CDH20: variants seen among roughly 807,000 people sequenced by gnomAD.
CDH20 encodes the protein cadherin 20.
Under a neutral mutation model 74.2 loss-of-function variants are expected in CDH20, and 29 were observed. The observed-to-expected ratio is 0.39, with a 90% CI of 0.29 to 0.53. The LOEUF is 0.53. Ranked by LOEUF, CDH20 falls within the 20% of genes least tolerant of loss-of-function variation. CDH20 has a pLI of 0.69. For synonymous variants in CDH20, 469 were observed against 405.4 expected (o/e 1.16, Z -1.88); for missense variants, 988 against 1,048.3 (o/e 0.94, Z 0.79).
chr18:61,412,341 G>C (rs1277729399), intron 1 of CDH20, among the ~76,000 whole-genome samples: 1 of 152,118 alleles, frequency 6.6e-6, no homozygotes, highest in Admixed American at 6.6e-5. Context: ...TTATGTTACA[G>C]AAAGTGCAGA....
intron 1 of CDH20, among the ~76,000 whole-genome samples, chr18:61,460,943 C>G (rs1909745403): frequency 6.6e-6 from 1 of 152,024 alleles, no homozygotes; most frequent in South Asian, 2.1e-4. Flanking sequence ...AAGTCAGAAT[C>G]TTATTTAGAA....
At chr18:61,422,992 G>A (rs1367094889) in intron 1 of CDH20, among the ~76,000 whole-genome samples, 2 of 152,146 alleles carry the variant, frequency 1.3e-5, no homozygotes, top group African/African-American at 4.8e-5. Flanking sequence ...TTTAGGATAA[G>A]TCTTGTGGGT....
At chr18:61,440,046 C>T (rs1908974995) in intron 1 of CDH20, among the ~76,000 whole-genome samples, 1 of 152,086 alleles carries the variant, frequency 6.6e-6, no homozygotes, top group African/African-American at 2.4e-5. Flanking sequence ...CCCCATTTTG[C>T]CTTCTGAAGA....
intron 1 of CDH20, among the ~76,000 whole-genome samples, chr18:61,407,988 A>G (rs1035905111): frequency 3.3e-5 from 5 of 152,234 alleles, no homozygotes; most frequent in Admixed American, 1.3e-4. Flanking sequence ...AATTGGTTAT[A>G]TATGTAAGAT....
At chr18:61,373,776 T>A (rs1008118674) in intron 1 of CDH20, among the ~76,000 whole-genome samples, 4 of 152,292 alleles carry the variant, frequency 2.6e-5, no homozygotes, top group African/African-American at 9.6e-5. Flanking sequence ...CCCCACCAGA[T>A]GTGGAGGAAG....
intron 1 of CDH20, among the ~76,000 whole-genome samples, chr18:61,482,504 C>T (rs1198834084): frequency 6.6e-6 from 1 of 152,146 alleles, no homozygotes; most frequent in Non-Finnish European, 1.5e-5. Flanking sequence ...CCAATTTTCC[C>T]TGGACTCTTA....
chr18:61,462,565 A>G (rs1464592607), intron 1 of CDH20, among the ~76,000 whole-genome samples: 2 of 152,220 alleles, frequency 1.3e-5, no homozygotes, highest in Non-Finnish European at 2.9e-5. Flanking sequence ...GTGATGGAAT[A>G]TAGCCAGTAA....
At chr18:61,455,164 C>T (rs1471856201) in intron 1 of CDH20, among the ~76,000 whole-genome samples, 1 of 152,130 alleles carries the variant, frequency 6.6e-6, no homozygotes, top group African/African-American at 2.4e-5. Context: ...CAGTACTCTT[C>T]AAAAGTGTCA....
At chr18:61,543,815 C>T (rs4941026) in intron 9 of CDH20, among the ~76,000 whole-genome samples, 32,340 of 152,070 alleles carry the variant, frequency 0.21, 3,933 homozygotes, top group East Asian at 0.51. Context: ...AGGTCATGGT[C>T]ATTCTTAAAT....
intron 8 of CDH20, among the ~76,000 whole-genome samples, chr18:61,537,611 T>C (rs1250115480): frequency 6.6e-6 from 1 of 152,174 alleles, no homozygotes; most frequent in Non-Finnish European, 1.5e-5. Flanking sequence ...GGGGAGGGTG[T>C]ATAACTCCAA....
chr18:61,357,407 C>G (rs919760943), intron 1 of CDH20, among the ~76,000 whole-genome samples: 1 of 152,064 alleles, frequency 6.6e-6, no homozygotes, highest in East Asian at 1.9e-4. Flanking sequence ...TTTTTTCCCC[C>G]CTCCTATAAC....
At chr18:61,547,842 A>C (rs1913306399) in intron 10 of CDH20, among the ~76,000 whole-genome samples, 1 of 152,108 alleles carries the variant, frequency 6.6e-6, no homozygotes, top group Non-Finnish European at 1.5e-5. Context: ...ACTATATGCC[A>C]GGCCCCTTCC....
intron 9 of CDH20, among the ~76,000 whole-genome samples, chr18:61,541,267 A>AT (rs974947799): frequency 4.0e-5 from 6 of 151,424 alleles, no homozygotes; most frequent in African/African-American, 1.5e-4. Flanking sequence ...TATTTTAATA[A>AT]TTTTTGTTTT....
chr18:61,534,279 T>A (rs1912748966), intron 7 of CDH20, among the ~76,000 whole-genome samples: 1 of 152,200 alleles, frequency 6.6e-6, no homozygotes, highest in African/African-American at 2.4e-5. Flanking sequence ...TTGCACACCG[T>A]TGATGAGAAT....
At chr18:61,345,294 C>T (rs1910080716) in intron 1 of CDH20, among the ~76,000 whole-genome samples, 1 of 152,026 alleles carries the variant, frequency 6.6e-6, no homozygotes. Context: ...GGAGGGAGCC[C>T]AAGCACTTGT....
In CDH20 at chr18:61,555,171, C is replaced by CA; in HGVS notation, c.*482dup. 4 of 986,644 alleles carry CA rather than the reference C, an allele frequency of 4.1e-6. No homozygotes were observed. The highest frequency in any genetic ancestry group is 4.8e-6 in the Non-Finnish European group (4 of 832,532). 61.1% of individuals were successfully genotyped at this position (986,644 alleles called of 1,614,324 possible). On this transcript the variant is annotated 3_prime_UTR_variant, in exon 12 of 12. Coordinates refer to ENST00000262717, the MANE Select transcript of CDH20 (RefSeq NM_031891.4). Reference sequence around the variant, plus strand: ...ACAGAAACCAACCCACAAGAAAGAACAAAAAACTTGTTACTCAGTGAAATT... The same window carrying CA: ...ACAGAAACCAACCCACAAGAAAGAACAAAAAAACTTGTTACTCAGTGAAATT...
intron 7 of CDH20, 58 bp from the exon 8 acceptor site, chr18:61,536,430 ATGTGG>A: frequency 7.2e-7 from 1 of 1,389,340 alleles, no homozygotes. Context: ...CAGTTGTCTC[ATGTGG>A]TATGCTGTCA....
chr18:61,477,249 G>C (rs1262294085), intron 1 of CDH20, among the ~76,000 whole-genome samples: 1 of 152,154 alleles, frequency 6.6e-6, no homozygotes. Context: ...TGGTACTAAG[G>C]AGAAGACAAT....
At chr18:61,546,702 G>T (rs1568185964) in intron 10 of CDH20, among the ~76,000 whole-genome samples, 1 of 152,162 alleles carries the variant, frequency 6.6e-6, no homozygotes, top group Admixed American at 6.5e-5. Context: ...TCTTAAAGAG[G>T]ACTTTGGGCA....
Sources: allele counts gnomAD v4.1 joint callset (sites outside exome capture counted in the v4.1 genomes callset), GRCh38; gene constraint gnomAD v4.1.1; transcripts MANE v1.5; gene names NCBI Gene and HGNC (gene_info 2026-07-23, HGNC 2026-07-21).